Variants in CALHM4 observed in about 807,000 individuals in gnomAD.
The protein encoded by CALHM4 is calcium homeostasis modulator protein 4.
CALHM4 carries 16 observed loss-of-function variants against 13.3 expected under a neutral mutation model. The ratio of observed to expected loss-of-function variants is 1.20; its 90% CI spans 0.81 to 1.82. The LOEUF (loss-of-function observed/expected upper bound fraction) is 1.82, where lower values mean the gene tolerates loss of function less well. Among genes scored for constraint, CALHM4 ranks in the 40% most tolerant of loss-of-function variants. The pLI is 0.00. For missense variants in CALHM4, 344 were observed against 374.9 expected (o/e 0.92, Z 0.68); for synonymous variants, 127 against 137.1 (o/e 0.93, Z 0.52).
At chr6:116,556,939 C>CTTTTTT (rs35964763) in intron 1 of CALHM4, among the ~76,000 whole-genome samples, 4 of 119,486 alleles carry the variant, frequency 3.3e-5, no homozygotes, top group South Asian at 2.8e-4. Flanking sequence ...TATTTTTAAT[C>CTTTTTT]TTTTTTTTTT....
intron 1 of CALHM4, among the ~76,000 whole-genome samples, chr6:116,539,616 A>T (rs1475924752): frequency 6.6e-6 from 1 of 152,204 alleles, no homozygotes; most frequent in Non-Finnish European, 1.5e-5. Context: ...CTCAGAAAGC[A>T]TGATGGTATA....
rs76649804 is a variant in CALHM4 at position 116,540,492 on chromosome 6, A to T, written c.-108-3273A>T. ...GGATGACGGAAAGAGTGTGGTCTGAAAATTCTAAGAAATTAGTGAAGTCTG... is the reference window on the plus strand; with the variant it reads ...GGATGACGGAAAGAGTGTGGTCTGATAATTCTAAGAAATTAGTGAAGTCTG... On this transcript the variant is annotated intron_variant, in intron 1 of 2. Coordinates refer to the CALHM4 transcript ENST00000368597. 5,041 of 1,539,014 alleles carry T rather than the reference A, an allele frequency of 3.3e-3. 131 individuals are homozygous for T. In the African/African-American group the frequency reaches 0.061, roughly 19 times the overall value.
In CALHM4 at chr6:116,558,367, AT is replaced by A; in HGVS notation, c.*158del. 1.1e-6 allele frequency: 1 copy of A among 902,010 alleles called. No individual in the cohort carries two copies. The highest frequency in any genetic ancestry group is 1.6e-6 in the Non-Finnish European group (1 of 634,230). 55.9% of individuals were successfully genotyped at this position (902,010 alleles called of 1,614,324 possible). A position where few individuals can be genotyped will look rare whatever the true frequency, so the allele number is the denominator to read the frequency against. On this transcript the variant is annotated 3_prime_UTR_variant, in exon 2 of 2. Coordinates refer to ENST00000368596, the MANE Select transcript of CALHM4 (RefSeq NM_001366078.2). ...CAAATATTATTTCTAAAATCAATCT[AT>A]TAGATAATTGTGCCAATCTCTCATT...
intron 2 of CALHM4, among the ~76,000 whole-genome samples, chr6:116,545,794 T>C (rs1457813083): frequency 1.3e-5 from 2 of 152,198 alleles, no homozygotes; most frequent in African/African-American, 4.8e-5. Context: ...TAAAAGCTGA[T>C]AATGTGAAGT....
upstream of CALHM4, among the ~76,000 whole-genome samples, chr6:116,550,862 A>G (rs929520563): frequency 6.6e-6 from 1 of 152,212 alleles, no homozygotes; most frequent in African/African-American, 2.4e-5. Flanking sequence ...ATTAATTACT[A>G]GGTCAAATAA....
At chr6:116,531,259 T>C (rs1443201821) in intron 1 of CALHM4, among the ~76,000 whole-genome samples, 3 of 151,616 alleles carry the variant, frequency 2.0e-5, no homozygotes, top group Non-Finnish European at 4.4e-5. Context: ...ATGAAACACA[T>C]AGAGAAAGTC....
intron 2 of CALHM4, among the ~76,000 whole-genome samples, chr6:116,545,252 T>C (rs986657910): frequency 3.3e-5 from 5 of 151,996 alleles, no homozygotes; most frequent in African/African-American, 1.2e-4. Flanking sequence ...ATATAATTAG[T>C]CAGAAAAGAA....
chr6:116,543,207 G>C, intron 1 of CALHM4: 1 of 844,018 alleles, frequency 1.2e-6, no homozygotes, highest in East Asian at 2.9e-5. Flanking sequence ...AAGAACAGCT[G>C]GTGAAATGAA....
chr6:116,559,323 A>G lies in CALHM4; in HGVS notation c.*1112A>G, dbSNP rs1352591369. Among the ~76,000 whole-genome samples the G allele has an allele frequency of 6.6e-6, 1 of 152,350 alleles. No homozygotes were observed. On this transcript the variant is annotated 3_prime_UTR_variant, in exon 2 of 2. Coordinates refer to ENST00000368596, the MANE Select transcript of CALHM4 (RefSeq NM_001366078.2). Reference sequence around the variant, plus strand: ...TCAGTCAAAACAATGCTTACTGGACAGTGGACCAACTGCCAATAGTCAATC... The same window carrying G: ...TCAGTCAAAACAATGCTTACTGGACGGTGGACCAACTGCCAATAGTCAATC...
At chr6:116,537,207 T>C (rs894760287) in intron 1 of CALHM4, among the ~76,000 whole-genome samples, 2 of 151,820 alleles carry the variant, frequency 1.3e-5, no homozygotes, top group African/African-American at 4.8e-5. Context: ...TGCATAGGAG[T>C]GGAAGTGGAT....
At chr6:116,529,168 G>A (rs34776007) in exon 1 of CALHM4, 22,857 of 152,146 alleles carry the variant, frequency 0.15, 1,889 homozygotes, top group East Asian at 0.34. Flanking sequence ...TGGCTTTGCT[G>A]CAACCCTTCA....
At chr6:116,552,513 T>A (rs1583313872), upstream of CALHM4, among the ~76,000 whole-genome samples, 1 of 152,184 alleles carries the variant, frequency 6.6e-6, no homozygotes, top group African/African-American at 2.4e-5. Flanking sequence ...GCTTAACTGT[T>A]TTCAAAAATA....
intron 1 of CALHM4, among the ~76,000 whole-genome samples, chr6:116,557,139 T>C (rs1393292914): frequency 3.3e-5 from 5 of 152,068 alleles, no homozygotes; most frequent in Admixed American, 1.3e-4. Flanking sequence ...GGTTTCACCA[T>C]GTTGGCCAGG....
intron 2 of CALHM4, chr6:116,545,598 T>A (rs1773735536): frequency 7.7e-7 from 1 of 1,292,850 alleles, no homozygotes; most frequent in African/African-American, 1.5e-5. Flanking sequence ...TGTCTTTTTG[T>A]TTTGTTTTTG....
At chr6:116,543,414 G>T (rs1326001345) in intron 1 of CALHM4, 1 of 1,535,720 alleles carries the variant, frequency 6.5e-7, no homozygotes, top group African/African-American at 1.4e-5. Context: ...GAGAAAAAGG[G>T]GTAGTTTCTG....
At chr6:116,537,142 A>G (rs1369714198) in intron 1 of CALHM4, among the ~76,000 whole-genome samples, 1 of 152,206 alleles carries the variant, frequency 6.6e-6, no homozygotes, top group African/African-American at 2.4e-5. Context: ...CAGTTGTCTT[A>G]CACTAGAGAA....
chr6:116,544,594 G>A (rs1367190366), intron 2 of CALHM4, among the ~76,000 whole-genome samples: 1 of 152,100 alleles, frequency 6.6e-6, no homozygotes, highest in Non-Finnish European at 1.5e-5. Context: ...AGTAGGTTAT[G>A]AATGTATCAG....
chr6:116,542,882 A>T lies in CALHM4; in HGVS notation c.-108-883A>T, dbSNP rs535280370. 3.3e-5 allele frequency among the ~76,000 whole-genome samples: 5 copies of T among 152,224 alleles called. No individual in the cohort carries two copies. The East Asian group carries it at 9.6e-4, about 29-fold the overall frequency. On this transcript the variant is annotated intron_variant, in intron 1 of 2. Coordinates refer to the CALHM4 transcript ENST00000368597. ...GAAACTACCATTGTGAGTTTCTTGT[A>T]TATCTTTCAATAGATGGTCTGTGGT... is the stretch of plus-strand genomic sequence containing the variant.
intron 1 of CALHM4, among the ~76,000 whole-genome samples, chr6:116,542,353 A>G (rs12204281): frequency 0.56 from 84,378 of 151,982 alleles, 25,062 homozygotes; most frequent in East Asian, 0.89. Flanking sequence ...AGAAAAAAAT[A>G]TGCATACAGA....
Sources: gnomAD v4.1 joint callset for allele counts (sites outside exome capture counted in the v4.1 genomes callset) on GRCh38, gnomAD v4.1.1 for gene constraint, MANE v1.5 for transcripts, NCBI Gene and HGNC (gene_info 2026-07-23, HGNC 2026-07-21) for gene names.